Variants in CREB5 observed in about 807,000 individuals in gnomAD.
CREB5 encodes the protein cAMP responsive element binding protein 5, also known as cyclic AMP-responsive element-binding protein 5.
In CREB5, 19 loss-of-function variants were observed where a neutral mutation model predicts 57.1. That is an observed-to-expected ratio of 0.33 (90% confidence interval 0.23 to 0.49). The LOEUF is 0.49. Ranked by LOEUF, CREB5 falls within the 20% of genes least tolerant of loss-of-function variation. The probability of loss-of-function intolerance (pLI) is 0.99; values close to 1 mark genes in which losing one functional copy is unlikely to be tolerated. For synonymous variants in CREB5, 238 were observed against 238.3 expected (o/e 1.00, Z 0.01); for missense variants, 579 against 671.6 (o/e 0.86, Z 1.52).
At chr7:28,796,590 C>G (rs1025541220) in intron 7 of CREB5, among the ~76,000 whole-genome samples, 2 of 152,188 alleles carry the variant, frequency 1.3e-5, no homozygotes, top group African/African-American at 2.4e-5. Flanking sequence ...CAACCAAGGT[C>G]CTGGAGCCAG....
intron 5 of CREB5, among the ~76,000 whole-genome samples, chr7:28,686,619 T>G (rs1234888001): frequency 1.3e-5 from 2 of 151,424 alleles, no homozygotes; most frequent in African/African-American, 4.9e-5. Flanking sequence ...AGGGAGAGAG[T>G]TAAAATGCAG....
intron 7 of CREB5, among the ~76,000 whole-genome samples, chr7:28,734,206 C>CAAAAAAAAAAAAAAAAAA (rs61403862): frequency 3.1e-5 from 3 of 96,442 alleles, no homozygotes; most frequent in East Asian, 4.1e-4. Flanking sequence ...TTCAGTAGTT[C>CAAAAAAAAAAAAAAAAAA]AAAAAAAAAA....
intron 5 of CREB5, among the ~76,000 whole-genome samples, chr7:28,693,817 T>C (rs143534655): frequency 3.7e-4 from 57 of 152,368 alleles, no homozygotes; most frequent in African/African-American, 1.3e-3. Context: ...ATGGAGCCAG[T>C]TGACTTCTTT....
intron 1 of CREB5, among the ~76,000 whole-genome samples, chr7:28,306,568 T>TTTTTTTTTTTTTTTTTTTTTTTTTGTTTG (rs1785191302): frequency 7.5e-6 from 1 of 132,714 alleles, no homozygotes; most frequent in Non-Finnish European, 1.6e-5. Context: ...TTTTTTTTTT[T>TTTTTTTTTTTTTTTTTTTTTTTTTGTTTG]TTTTTTTTTT....
chr7:28,657,986 T>G (rs1045174386), intron 5 of CREB5, among the ~76,000 whole-genome samples: 1 of 152,334 alleles, frequency 6.6e-6, no homozygotes, highest in Admixed American at 6.5e-5. Flanking sequence ...CCATTTCTCG[T>G]CTGCTCACTG....
rs114113758 is a variant in CREB5, at chr7:28,637,678, G to C, written c.464+67141G>C. ...ATTTGCACAGAAGAAACAACAGGAC[G>C]AAGGCACTTTGGTGGGGAAGAACTT... On this transcript the variant is annotated intron_variant, in intron 5 of 10. Coordinates refer to ENST00000357727, the MANE Select transcript of CREB5 (RefSeq NM_182898.4). Among the ~76,000 whole-genome samples the C allele has an allele frequency of 3.1e-3, 478 of 152,290 alleles. 3 individuals carry two copies. Among genetic ancestry groups the C allele is most frequent in the African/African-American group, 0.011 (451 of 41,552 alleles).
At position 28,406,923 on chromosome 7, in the gene CREB5, T is replaced by TA. The variant is rs11332678; in HGVS notation, c.-24-87970dup. ...CTTTTCATTTATTTAGTTAAGTTTGTAAAAAAAAAAAAATCACCAAATGCC... is the reference window on the plus strand; with the variant it reads ...CTTTTCATTTATTTAGTTAAGTTTGTAAAAAAAAAAAAAATCACCAAATGCC... On this transcript the variant is annotated intron_variant, in intron 1 of 9. Transcript: ENST00000396299. 1.2e-3 allele frequency among the ~76,000 whole-genome samples: 173 copies of TA among 149,860 alleles called. 1 individual carries two copies. The highest frequency in any genetic ancestry group is 1.7e-3 in the Non-Finnish European group (116 of 67,200).
intron 5 of CREB5, among the ~76,000 whole-genome samples, chr7:28,575,352 G>A (rs2128652375): frequency 6.6e-6 from 1 of 152,324 alleles, no homozygotes; most frequent in East Asian, 1.9e-4. Context: ...GGAAAGAACA[G>A]TAGAGAAGTG....
chr7:28,467,316 A>T (rs1296476584), intron 1 of CREB5, among the ~76,000 whole-genome samples: 1 of 152,192 alleles, frequency 6.6e-6, no homozygotes, highest in Non-Finnish European at 1.5e-5. Context: ...TGGCCATGCC[A>T]TTATGCAGAA....
At chr7:28,306,546 G>GTTTTTTGTTTTTTTTTTTTTTT (rs1785187073) in intron 1 of CREB5, among the ~76,000 whole-genome samples, 2 of 93,494 alleles carry the variant, frequency 2.1e-5, no homozygotes, top group Non-Finnish European at 3.7e-5. Flanking sequence ...ATACAGTTTT[G>GTTTTTTGTTTTTTTTTTTTTTT]TTTTTTTTGT....
Position 28,736,000 on chromosome 7 carries a change from C to T in CREB5, c.702+11668C>T, listed in dbSNP as rs181357363. ...TAAATTTTTTACAGAGACAGGGTCTCGCGATGTTGACCAGTCTCAAACTCC... is the reference window on the plus strand; with the variant it reads ...TAAATTTTTTACAGAGACAGGGTCTTGCGATGTTGACCAGTCTCAAACTCC... On this transcript the variant is annotated intron_variant, in intron 7 of 10. Transcript: ENST00000357727. 3.0e-3 allele frequency among the ~76,000 whole-genome samples: 460 copies of T among 151,992 alleles called. 1 individual carries two copies. The highest frequency in any genetic ancestry group is 0.011 in the African/African-American group (442 of 41,444).
chr7:28,322,496 G>C (rs1399647804), intron 1 of CREB5, among the ~76,000 whole-genome samples: 1 of 152,004 alleles, frequency 6.6e-6, no homozygotes, highest in Non-Finnish European at 1.5e-5. Flanking sequence ...TGTTACATAG[G>C]TACACATGTG....
chr7:28,673,657 CTTTTTTTTTTTTTTT>C (rs549391329), intron 5 of CREB5, among the ~76,000 whole-genome samples: 1,023 of 55,916 alleles, frequency 0.018, 23 homozygotes, highest in Admixed American at 0.031. Context: ...CTCTCTCTCT[CTTTTTTTTTTTTTTT>C]TTTTTTTTTT....
chr7:28,440,526 C>T (rs752672424), intron 1 of CREB5, among the ~76,000 whole-genome samples: 2 of 152,128 alleles, frequency 1.3e-5, no homozygotes, highest in African/African-American at 2.4e-5. Flanking sequence ...CCTGCCCTGG[C>T]TTTTCCGTTT....
intron 1 of CREB5, among the ~76,000 whole-genome samples, chr7:28,441,772 G>T (rs974539196): frequency 1.3e-5 from 2 of 152,070 alleles, no homozygotes; most frequent in African/African-American, 4.8e-5. Context: ...TATAGTTTAT[G>T]GGTAGAAAAG....
intron 5 of CREB5, among the ~76,000 whole-genome samples, chr7:28,671,401 C>G (rs561119966): frequency 6.6e-6 from 1 of 152,090 alleles, no homozygotes; most frequent in Non-Finnish European, 1.5e-5. Context: ...GTTCTCTTAT[C>G]GCTTGCTTTA....
At chr7:28,572,632 C>T (rs933292949) in intron 5 of CREB5, among the ~76,000 whole-genome samples, 1 of 152,180 alleles carries the variant, frequency 6.6e-6, no homozygotes, top group Non-Finnish European at 1.5e-5. Flanking sequence ...CCACCAACTA[C>T]CCTTTTGGAG....
rs975197806 is a variant in CREB5, at chr7:28,825,097, T to C, written c.*5818T>C. 9 of 152,630 alleles carry C rather than the reference T, an allele frequency of 5.9e-5. No individual in the cohort carries two copies. The highest frequency in any genetic ancestry group is 5.2e-4 in the Admixed American group (8 of 15,284). The allele number at this position is 152,630 out of a possible 1,614,324, so 9.5% of individuals were successfully genotyped here. Reference sequence around the variant, plus strand: ...GCTGAATAAATTAGCTTTAAATACATCATTAAAATCTTATGCACAATAAGC... The same window carrying C: ...GCTGAATAAATTAGCTTTAAATACACCATTAAAATCTTATGCACAATAAGC... On this transcript the variant is annotated 3_prime_UTR_variant, in exon 11 of 11. Transcript: ENST00000357727.
chr7:28,410,677 C>T (rs1279522900), upstream of CREB5: 1 of 399,696 alleles, frequency 2.5e-6, no homozygotes, highest in African/African-American at 2.1e-5. Flanking sequence ...TGTCAGTCTG[C>T]AGAATGTGTT....
Sources: allele counts gnomAD v4.1 joint callset (sites outside exome capture counted in the v4.1 genomes callset), GRCh38; gene constraint gnomAD v4.1.1; transcripts MANE v1.5; gene names NCBI Gene and HGNC (gene_info 2026-07-23, HGNC 2026-07-21).